The following SLC24A2 variants were observed in gnomAD, a reference collection of about 807,000 sequenced individuals.
The protein encoded by SLC24A2 is sodium/potassium/calcium exchanger 2.
In SLC24A2, 36 loss-of-function variants were observed where a neutral mutation model predicts 62.0. The observed-to-expected ratio is 0.58, with a 90% CI of 0.44 to 0.77. The LOEUF is 0.77. Ranked by LOEUF, SLC24A2 falls within the 30% of genes least tolerant of loss-of-function variation. The probability of loss-of-function intolerance (pLI) is 0.00; values close to 1 mark genes in which losing one functional copy is unlikely to be tolerated. For synonymous variants in SLC24A2, 358 were observed against 294.0 expected (o/e 1.22, Z -2.23); for missense variants, 846 against 817.9 (o/e 1.03, Z -0.42).
the SLC24A2 span, among the ~76,000 whole-genome samples, chr9:20,142,551 T>G: frequency 6.6e-6 from 1 of 152,110 alleles, no homozygotes; most frequent in Non-Finnish European, 1.5e-5. Context: ...TCTTTGGCTC[T>G]CTCAAATGCC....
At chr9:20,206,394 C>G in the SLC24A2 span, among the ~76,000 whole-genome samples, 1 of 152,118 alleles carries the variant, frequency 6.6e-6, no homozygotes, top group South Asian at 2.1e-4. Context: ...AACAATGGCA[C>G]TATTCTCATG....
At chr9:19,748,653 G>T (rs1295217740) in intron 2 of SLC24A2, among the ~76,000 whole-genome samples, 1 of 150,128 alleles carries the variant, frequency 6.7e-6, no homozygotes, top group East Asian at 2.0e-4. Flanking sequence ...AGGCCCAGAT[G>T]TTTTTATTGT....
At chr9:19,843,686 C>G in the SLC24A2 span, among the ~76,000 whole-genome samples, 2 of 152,084 alleles carry the variant, frequency 1.3e-5, no homozygotes, top group South Asian at 4.2e-4. Flanking sequence ...CCATCCCTCC[C>G]TATTCTATTA....
At chr9:20,009,933 T>G in the SLC24A2 span, among the ~76,000 whole-genome samples, 3 of 152,104 alleles carry the variant, frequency 2.0e-5, no homozygotes, top group African/African-American at 7.2e-5. Context: ...CCCAGAGACC[T>G]CACTCAACCT....
At chr9:19,908,336 T>A in the SLC24A2 span, among the ~76,000 whole-genome samples, 24 of 152,100 alleles carry the variant, frequency 1.6e-4, no homozygotes, top group East Asian at 5.8e-4. Context: ...AAATTAATTC[T>A]AGATGGATTA....
the SLC24A2 span, among the ~76,000 whole-genome samples, chr9:19,863,318 G>A: frequency 6.6e-6 from 1 of 152,022 alleles, no homozygotes; most frequent in Admixed American, 6.5e-5. Context: ...CCCACTTTCA[G>A]CATTGACAGA....
At chr9:19,739,857 C>T (rs559878105) in intron 2 of SLC24A2, among the ~76,000 whole-genome samples, 3 of 152,168 alleles carry the variant, frequency 2.0e-5, no homozygotes, top group African/African-American at 7.2e-5. Context: ...ACAAAGTCAC[C>T]ATTAAGAGAA....
the SLC24A2 span, among the ~76,000 whole-genome samples, chr9:20,158,212 T>C: frequency 1.3e-5 from 2 of 151,642 alleles, no homozygotes; most frequent in Non-Finnish European, 2.9e-5. Context: ...ATCTCATAAA[T>C]GAAGGATGAA....
intron 2 of SLC24A2, among the ~76,000 whole-genome samples, chr9:19,764,022 C>T (rs1822431695): frequency 6.6e-6 from 1 of 152,126 alleles, no homozygotes; most frequent in Admixed American, 6.5e-5. Context: ...GATTCGACTT[C>T]TTCCTGGTTT....
At chr9:19,693,249 T>A (rs1434225943) in intron 2 of SLC24A2, among the ~76,000 whole-genome samples, 1 of 152,146 alleles carries the variant, frequency 6.6e-6, no homozygotes, top group African/African-American at 2.4e-5. Context: ...TGTATGTTTA[T>A]TGTGGCACTA....
At chr9:20,134,761 C>G in the SLC24A2 span, among the ~76,000 whole-genome samples, 1 of 152,090 alleles carries the variant, frequency 6.6e-6, no homozygotes. Flanking sequence ...ACTAAACAGT[C>G]TAGAATTTAT....
chr9:19,575,534 TAAAAG>T (rs997628360), intron 6 of SLC24A2, among the ~76,000 whole-genome samples: 1 of 152,196 alleles, frequency 6.6e-6, no homozygotes, highest in African/African-American at 2.4e-5. Context: ...AGGTTCATAA[TAAAAG>T]AAAATATGAA....
intron 8 of SLC24A2, among the ~76,000 whole-genome samples, chr9:19,544,539 A>G (rs1586928746): frequency 6.6e-6 from 1 of 152,062 alleles, no homozygotes. Context: ...GGTCTTTACA[A>G]TTTGGTATGT....
At chr9:20,244,566 C>T in the SLC24A2 span, among the ~76,000 whole-genome samples, 1 of 152,368 alleles carries the variant, frequency 6.6e-6, no homozygotes, top group East Asian at 1.9e-4. Flanking sequence ...CTTTGAAATT[C>T]TGTTGGATTC....
the SLC24A2 span, among the ~76,000 whole-genome samples, chr9:20,297,246 G>A: frequency 6.6e-6 from 1 of 152,166 alleles, no homozygotes; most frequent in South Asian, 2.1e-4. Context: ...AAAACCTGAA[G>A]GGAAGGTTAC....
At chr9:20,112,464 T>A in the SLC24A2 span, among the ~76,000 whole-genome samples, 5 of 152,272 alleles carry the variant, frequency 3.3e-5, no homozygotes, top group African/African-American at 1.2e-4. Flanking sequence ...AAGTTATTCA[T>A]CCTCTTTACC....
In SLC24A2 at chr9:19,520,939, G is replaced by A. The variant is rs774828462; in HGVS notation, c.1691C>T (p.Ala564Val). The A allele has an allele frequency of 6.2e-7, 1 of 1,614,022 alleles. No homozygotes were observed. The highest frequency in any genetic ancestry group is 1.1e-5 in the South Asian group (1 of 91,078). Residue 564 changes from alanine (A) to valine (V), a missense_variant, in exon 10 of 11, where the codon GCT becomes GTT. Transcript: ENST00000341998. ...IVARKGLGDMAVSSSVGSNIF... is the reference protein window; with the variant it reads ...IVARKGLGDMVVSSSVGSNIF... ...GTTGCTTCCAACAGAGCTGGACACA[G>A]CCATGTCCCCTAACCCCTTCCGGGC...
At chr9:19,566,215 A>G (rs1161237868) in intron 7 of SLC24A2, among the ~76,000 whole-genome samples, 1 of 150,718 alleles carries the variant, frequency 6.6e-6, no homozygotes, top group Admixed American at 6.6e-5. Flanking sequence ...CAATCTACTC[A>G]TCTGACAAAG....
chr9:19,665,587 G>A (rs556505391), intron 2 of SLC24A2, among the ~76,000 whole-genome samples: 2 of 152,206 alleles, frequency 1.3e-5, no homozygotes, highest in African/African-American at 4.8e-5. Context: ...GCTAAGAGAC[G>A]TCGGGTGAAT....
Sources: allele counts gnomAD v4.1 joint callset (sites outside exome capture counted in the v4.1 genomes callset), GRCh38; gene constraint gnomAD v4.1.1; transcripts MANE v1.5; gene names NCBI Gene and HGNC (gene_info 2026-07-23, HGNC 2026-07-21).